The following HNRNPC variants were observed in gnomAD, a reference collection of about 807,000 sequenced individuals.
The protein encoded by HNRNPC is heterogeneous nuclear ribonucleoproteins C1/C2.
Under a neutral mutation model 33.2 loss-of-function variants are expected in HNRNPC, and 3 were observed. The observed-to-expected ratio is 0.09, with a 90% confidence interval of 0.04 to 0.23. HNRNPC has a LOEUF of 0.23. Among genes scored for constraint, HNRNPC ranks in the 10% least tolerant of loss-of-function variants. The pLI is 1.00. For missense variants in HNRNPC, 143 were observed against 366.7 expected (o/e 0.39, Z 4.98); for synonymous variants, 121 against 126.7 (o/e 0.96, Z 0.30).
chr14:21,218,592 G>A (rs749793854), intron 5 of HNRNPC, among the ~76,000 whole-genome samples: 1 of 142,180 alleles, frequency 7.0e-6, no homozygotes, highest in East Asian at 2.1e-4. Flanking sequence ...GGAGGCTGAG[G>A]CACTGCTTGA....
intron 5 of HNRNPC, among the ~76,000 whole-genome samples, chr14:21,218,440 C>T (rs1892448500): frequency 6.6e-6 from 1 of 151,974 alleles, no homozygotes; most frequent in African/African-American, 2.4e-5. Flanking sequence ...AATCCCAGCA[C>T]TTCCGGAGGC....
In HNRNPC at chr14:21,230,206, A is replaced by C. The variant is rs115085926; in HGVS notation, c.365+113T>G. ...AGAAAAAGGTGTTTTTTTGTTTTGG[A>C]GTTAGGGGAGTATGTTTGAAAACAT... is the stretch of plus-strand genomic sequence containing the variant. On this transcript the variant is annotated intron_variant, in intron 5 of 8. Coordinates refer to ENST00000553300, the MANE Select transcript of HNRNPC (RefSeq NM_004500.4). The C allele has an allele frequency of 9.4e-4, 611 of 649,412 alleles. 3 individuals carry two copies. In the African/African-American group the frequency reaches 0.01, roughly 11 times the overall value. The allele number at this position is 649,412 out of a possible 1,614,324, so 40.2% of individuals were successfully genotyped here.
chr14:21,249,292 C>A (rs1174162593), intron 2 of HNRNPC, among the ~76,000 whole-genome samples: 2 of 152,100 alleles, frequency 1.3e-5, no homozygotes, highest in East Asian at 3.9e-4. Flanking sequence ...GGAATTGGGG[C>A]TGGGCGCAGT....
At chr14:21,266,816 T>G (rs937396697) in intron 1 of HNRNPC, among the ~76,000 whole-genome samples, 1 of 151,314 alleles carries the variant, frequency 6.6e-6, no homozygotes, top group Non-Finnish European at 1.5e-5. Context: ...CGGGGCCGGG[T>G]GCGGTGGCTC....
At chr14:21,259,941 T>C (rs1877909367) in intron 2 of HNRNPC, among the ~76,000 whole-genome samples, 1 of 148,686 alleles carries the variant, frequency 6.7e-6, no homozygotes, top group East Asian at 2.0e-4. Context: ...GGCTCACGCC[T>C]GTAATCCCAG....
intron 2 of HNRNPC, among the ~76,000 whole-genome samples, chr14:21,254,947 AG>A (rs1396383776): frequency 6.6e-6 from 1 of 151,484 alleles, no homozygotes; most frequent in African/African-American, 2.4e-5. Flanking sequence ...AAAAAAAACC[AG>A]AAAAACTCCA....
At chr14:21,238,299 ATAATT>A (rs1275283300) in intron 2 of HNRNPC, among the ~76,000 whole-genome samples, 1 of 152,254 alleles carries the variant, frequency 6.6e-6, no homozygotes, top group Non-Finnish European at 1.5e-5. Flanking sequence ...TGTGCAAATT[ATAATT>A]TGAGTCAAAA....
intron 5 of HNRNPC, among the ~76,000 whole-genome samples, chr14:21,225,737 C>A (rs561181784): frequency 5.3e-5 from 8 of 152,222 alleles, no homozygotes; most frequent in Non-Finnish European, 8.8e-5. Flanking sequence ...CATCCATTTT[C>A]AATCAAAACG....
At chr14:21,222,156 G>C (rs1309465006) in intron 5 of HNRNPC, among the ~76,000 whole-genome samples, 4 of 150,778 alleles carry the variant, frequency 2.7e-5, no homozygotes, top group African/African-American at 9.8e-5. Flanking sequence ...CACTAGACTA[G>C]AATGGATAAA....
intron 5 of HNRNPC, among the ~76,000 whole-genome samples, chr14:21,221,890 T>C (rs952854235): frequency 2.0e-5 from 3 of 151,030 alleles, no homozygotes; most frequent in Admixed American, 6.6e-5. Flanking sequence ...TACTAAAAAA[T>C]ACAAAAATAT....
At chr14:21,227,993 CA>C (rs1431079777) in intron 5 of HNRNPC, among the ~76,000 whole-genome samples, 1 of 152,086 alleles carries the variant, frequency 6.6e-6, no homozygotes, top group Non-Finnish European at 1.5e-5. Context: ...TCTGACTGGA[CA>C]AAAGAACACA....
intron 5 of HNRNPC, among the ~76,000 whole-genome samples, chr14:21,214,936 A>C (rs1455411416): frequency 6.6e-6 from 1 of 152,192 alleles, no homozygotes; most frequent in African/African-American, 2.4e-5. Context: ...TAAATATCTA[A>C]TCTACCTCCT....
intron 3 of HNRNPC, 109 bp from the exon 4 acceptor site, chr14:21,231,181 C>T (rs1894069400): frequency 9.2e-7 from 1 of 1,085,552 alleles, no homozygotes; most frequent in Non-Finnish European, 1.3e-6. Flanking sequence ...CTCGCTCAGG[C>T]TGGAGTGCAG....
chr14:21,255,807 T>C (rs535894037), intron 2 of HNRNPC, among the ~76,000 whole-genome samples: 2 of 152,308 alleles, frequency 1.3e-5, no homozygotes, highest in Non-Finnish European at 2.9e-5. Flanking sequence ...AAAAAACAAA[T>C]TCTACAGTTG....
chr14:21,249,036 T>C (rs925057414), intron 2 of HNRNPC, among the ~76,000 whole-genome samples: 3 of 152,180 alleles, frequency 2.0e-5, no homozygotes, highest in Non-Finnish European at 4.4e-5. Flanking sequence ...ATCTAGAAGA[T>C]TACATACCAA....
chr14:21,264,843 C>G (rs971995117), intron 1 of HNRNPC: 1 of 152,070 alleles, frequency 6.6e-6, no homozygotes, highest in African/African-American at 2.4e-5. Flanking sequence ...GCCTGGGAAA[C>G]ATGACGAGAC....
intron 5 of HNRNPC, among the ~76,000 whole-genome samples, chr14:21,219,556 T>C (rs1026449152): frequency 3.3e-5 from 5 of 152,230 alleles, no homozygotes; most frequent in African/African-American, 1.2e-4. Flanking sequence ...AAAGACCTTG[T>C]TTGCCTTTCT....
intron 5 of HNRNPC, among the ~76,000 whole-genome samples, chr14:21,221,905 C>T (rs910670485): frequency 4.0e-5 from 6 of 151,608 alleles, no homozygotes; most frequent in Middle Eastern, 6.8e-3. Flanking sequence ...AAATATTAGC[C>T]GGGCGTGGTG....
At chr14:21,233,782 T>C (rs1173851703) in intron 3 of HNRNPC, among the ~76,000 whole-genome samples, 171 bp downstream of exon 3, 4 of 152,058 alleles carry the variant, frequency 2.6e-5, no homozygotes, top group Admixed American at 1.3e-4. Flanking sequence ...ATGAAGAATA[T>C]CCTTTACTTA....
Sources: allele counts gnomAD v4.1 joint callset (sites outside exome capture counted in the v4.1 genomes callset), GRCh38; gene constraint gnomAD v4.1.1; transcripts MANE v1.5; gene names NCBI Gene and HGNC (gene_info 2026-07-23, HGNC 2026-07-21).